The following EIF4EBP2 variants were observed in gnomAD, a reference collection of about 807,000 sequenced individuals.
The protein encoded by EIF4EBP2 is eukaryotic translation initiation factor 4E binding protein 2, also known as eukaryotic translation initiation factor 4E-binding protein 2.
In EIF4EBP2, 5 loss-of-function variants were observed where a neutral mutation model predicts 10.3. The observed-to-expected ratio is 0.48, with a 90% CI of 0.25 to 1.02. The LOEUF is 1.02. Among genes scored for constraint, EIF4EBP2 ranks in the 50% least tolerant of loss-of-function variants. The probability of loss-of-function intolerance (pLI) is 0.15; values close to 1 mark genes in which losing one functional copy is unlikely to be tolerated. For missense variants in EIF4EBP2, 188 were observed against 162.2 expected, an observed-to-expected ratio of 1.16 and a Z score of -0.86; for synonymous variants, 67 against 61.1, an observed-to-expected ratio of 1.10 and a Z score of -0.45.
At chr10:70,409,451 T>C (rs992568343) in intron 1 of EIF4EBP2, among the ~76,000 whole-genome samples, 4 of 152,210 alleles carry the variant, frequency 2.6e-5, no homozygotes, top group African/African-American at 9.6e-5. Flanking sequence ...AACCTAATGC[T>C]TTCATTTTAT....
intron 1 of EIF4EBP2, among the ~76,000 whole-genome samples, chr10:70,415,183 A>G (rs115554267): frequency 0.015 from 2,219 of 152,116 alleles, 57 homozygotes; most frequent in African/African-American, 0.051. Context: ...GAAAAGAAAA[A>G]GAAAGCAATC....
At chr10:70,413,987 CAT>C (rs1411489328) in intron 1 of EIF4EBP2, among the ~76,000 whole-genome samples, 1 of 152,136 alleles carries the variant, frequency 6.6e-6, no homozygotes, top group Admixed American at 6.6e-5. Flanking sequence ...ATTGAGCTGA[CAT>C]AGCGTTGGAG....
intron 1 of EIF4EBP2, among the ~76,000 whole-genome samples, chr10:70,409,427 A>G (rs553854970): frequency 5.3e-5 from 8 of 152,324 alleles, no homozygotes; most frequent in Admixed American, 2.0e-4. Flanking sequence ...TAATAACACT[A>G]GTGACCTAGA....
In EIF4EBP2 at chr10:70,404,230, C is replaced by CGGCGGCGGCTGAGAG; in HGVS notation, c.-162_-148dup. ...AGGCCGGAGGATCGAGCGGCGGCGG[C>CGGCGGCGGCTGAGAG]GGCGGCGGCTGAGAGGGCGGCGGCG... On this transcript the variant is annotated 5_prime_UTR_variant, in exon 1 of 3. Transcript: ENST00000373218. The CGGCGGCGGCTGAGAG allele has an allele frequency of 1.3e-6, 1 of 751,936 alleles. No homozygotes were observed. Among genetic ancestry groups the CGGCGGCGGCTGAGAG allele is most frequent in the Non-Finnish European group, 1.9e-6 (1 of 522,390 alleles). The allele number at this position is 751,936 out of a possible 1,614,324, so 46.6% of individuals were successfully genotyped here.
rs189852437 is a variant in EIF4EBP2 at position 70,417,095 on chromosome 10, G to A, written c.146-2819G>A. ...ATCAGTTGATGGACTTGTTTTTATCGACTTACCAGTCCATCAACTGATAAA... is the reference window on the plus strand; with the variant it reads ...ATCAGTTGATGGACTTGTTTTTATCAACTTACCAGTCCATCAACTGATAAA... On this transcript the variant is annotated intron_variant, in intron 1 of 2. Transcript: ENST00000373218. Among the ~76,000 whole-genome samples the A allele has an allele frequency of 2.6e-3, 391 of 152,144 alleles. 3 individuals are homozygous for A. Among genetic ancestry groups the A allele is most frequent in the Non-Finnish European group, 2.5e-3 (173 of 68,012 alleles).
chr10:70,420,253 G>A lies in EIF4EBP2; in HGVS notation c.331+154G>A, dbSNP rs571563624. On this transcript the variant is annotated intron_variant, in intron 2 of 2. Transcript: ENST00000373218. ...CTCATTCTGTCACTGAGGCTGGAGT[G>A]CAGTGGCACAATCTCAGCACACTGC... Among the ~76,000 whole-genome samples, 9 of 152,334 alleles carry A rather than the reference G, an allele frequency of 5.9e-5. No individual in the cohort carries two copies. The East Asian group carries it at 1.5e-3, about 26-fold the overall frequency.
rs1009282526 is a variant in EIF4EBP2 at position 70,425,803 on chromosome 10, G to C, written c.*4056G>C. ...GAATGGGGATTGTCCAGCAAAGGGA[G>C]CAAACATGAATTAGATGTTAAGCTA... On this transcript the variant is annotated 3_prime_UTR_variant, in exon 3 of 3. Coordinates refer to ENST00000373218, the MANE Select transcript of EIF4EBP2 (RefSeq NM_004096.5). The C allele has an allele frequency of 6.6e-5, 10 of 152,212 alleles. No individual in the cohort carries two copies. The highest frequency in any genetic ancestry group is 2.2e-4 in the African/African-American group (9 of 41,446). The allele number at this position is 152,212 out of a possible 1,614,324, so 9.4% of individuals were successfully genotyped here. A position where few individuals can be genotyped will look rare whatever the true frequency, so the allele number is the denominator to read the frequency against.
intron 2 of EIF4EBP2, among the ~76,000 whole-genome samples, chr10:70,420,520 A>G (rs1405607723): frequency 6.6e-6 from 1 of 151,926 alleles, no homozygotes; most frequent in African/African-American, 2.4e-5. Context: ...GTTAATAACT[A>G]ATGTTCAGTT....
intron 1 of EIF4EBP2, among the ~76,000 whole-genome samples, chr10:70,406,135 C>A (rs1217376278): frequency 6.6e-6 from 1 of 152,138 alleles, no homozygotes; most frequent in East Asian, 1.9e-4. Flanking sequence ...CACGTGCCAC[C>A]ACGCCTGGCT....
chr10:70,406,148 T>G (rs552729000), intron 1 of EIF4EBP2, among the ~76,000 whole-genome samples: 3 of 152,090 alleles, frequency 2.0e-5, no homozygotes, highest in African/African-American at 7.2e-5. Flanking sequence ...GCCTGGCTAA[T>G]TTTTTTGTAT....
At chr10:70,405,400 GT>G (rs1844955725) in intron 1 of EIF4EBP2, among the ~76,000 whole-genome samples, 1 of 152,188 alleles carries the variant, frequency 6.6e-6, no homozygotes, top group African/African-American at 2.4e-5. Context: ...TTACAAATAA[GT>G]AATACTGGGG....
In EIF4EBP2 at chr10:70,427,481, C is replaced by CTTT. The variant is rs770905840; in HGVS notation, c.*5735_*5737dup. The CTTT allele has an allele frequency of 6.6e-6, 1 of 151,968 alleles. No individual in the cohort carries two copies. Among genetic ancestry groups the CTTT allele is most frequent in the Non-Finnish European group, 1.5e-5 (1 of 67,986 alleles). 9.4% of individuals were successfully genotyped at this position (151,968 alleles called of 1,614,324 possible). On this transcript the variant is annotated 3_prime_UTR_variant, in exon 3 of 3. Coordinates refer to ENST00000373218, the MANE Select transcript of EIF4EBP2 (RefSeq NM_004096.5). ...ACTTACAGAAATTTCTAACTGAAAA[C>CTTT]TTTAAGAGTTATTGATACTTGTTTT...
At chr10:70,405,373 G>T (rs1238868422) in intron 1 of EIF4EBP2, among the ~76,000 whole-genome samples, 1 of 152,200 alleles carries the variant, frequency 6.6e-6, no homozygotes, top group African/African-American at 2.4e-5. Context: ...GCTTTTCAAA[G>T]CATGACCAGG....
At chr10:70,416,663 TA>T (rs990219662) in intron 1 of EIF4EBP2, among the ~76,000 whole-genome samples, 1 of 103,002 alleles carries the variant, frequency 9.7e-6, no homozygotes, top group African/African-American at 3.6e-5. Flanking sequence ...CTTAATTTTT[TA>T]ATTTTTTTTT....
chr10:70,412,459 A>T (rs1845056166), intron 1 of EIF4EBP2, among the ~76,000 whole-genome samples: 1 of 152,134 alleles, frequency 6.6e-6, no homozygotes, highest in African/African-American at 2.4e-5. Context: ...TAACCATGTT[A>T]TAGTGGACTT....
Position 70,404,409 on chromosome 10 carries a change from C to G in EIF4EBP2, c.8C>G (p.Ser3Trp). ...GAGCCCGCGCCCACAGCCATGTCCTCGTCAGCCGGCAGCGGCCACCAGCCC... is the reference window on the plus strand; with the variant it reads ...GAGCCCGCGCCCACAGCCATGTCCTGGTCAGCCGGCAGCGGCCACCAGCCC... MS[S>W]SAGSGHQPSQ... is the part of the protein sequence containing the mutation. Residue 3 changes from serine (S) to tryptophan (W), a missense_variant, in exon 1 of 3, where the codon TCG (serine) becomes TGG (tryptophan). Transcript: ENST00000373218. The G allele has an allele frequency of 6.3e-7, 1 of 1,584,656 alleles. No homozygotes were observed. Among genetic ancestry groups the G allele is most frequent in the Non-Finnish European group, 8.6e-7 (1 of 1,168,594 alleles).
rs767922776 is a variant in EIF4EBP2, at chr10:70,404,416, C to G, written c.15C>G (p.Ala5=). The stretch of plus-strand genomic sequence containing the variant: ...CGCCCACAGCCATGTCCTCGTCAGC[C>G]GGCAGCGGCCACCAGCCCAGCCAGA... MSSS[A]GSGHQPSQSR... The change falls in exon 1 of 3, where the codon GCC becomes GCG. Residue 5 remains alanine (A), a synonymous_variant. Transcript: ENST00000373218. 36 of 1,587,780 alleles carry G rather than the reference C, an allele frequency of 2.3e-5. No homozygotes were observed. The highest frequency in any genetic ancestry group is 3.0e-5 in the Non-Finnish European group (35 of 1,170,188).
intron 1 of EIF4EBP2, among the ~76,000 whole-genome samples, chr10:70,412,278 G>T (rs970425097): frequency 1.3e-5 from 2 of 151,630 alleles, no homozygotes; most frequent in African/African-American, 4.9e-5. Flanking sequence ...TTTTTGGAGG[G>T]CTTGTGGGCA....
intron 1 of EIF4EBP2, among the ~76,000 whole-genome samples, chr10:70,405,123 G>A (rs1380525866): frequency 6.6e-6 from 1 of 152,184 alleles, no homozygotes; most frequent in Non-Finnish European, 1.5e-5. Context: ...ACGGGTGAGG[G>A]GAGTCCCCAG....
Sources: allele counts gnomAD v4.1 joint callset (sites outside exome capture counted in the v4.1 genomes callset), GRCh38; gene constraint gnomAD v4.1.1; transcripts MANE v1.5; gene names NCBI Gene and HGNC (gene_info 2026-07-23, HGNC 2026-07-21).